CDH13: variants seen among roughly 807,000 people sequenced by gnomAD.
The protein encoded by CDH13 is cadherin-13.
CDH13 carries 24 observed loss-of-function variants against 63.8 expected under a neutral mutation model. The observed-to-expected ratio is 0.38, with a 90% CI of 0.27 to 0.53. The LOEUF (loss-of-function observed/expected upper bound fraction) is 0.53, where lower values mean the gene tolerates loss of function less well. CDH13 is among the 20% of genes least tolerant of loss of function. CDH13 has a pLI of 0.85. For synonymous variants in CDH13, 503 were observed against 355.3 expected (o/e 1.42, Z -4.67); for missense variants, 1,049 against 903.1 (o/e 1.16, Z -2.07).
chr16:83,734,089 A>G (rs1911301263), intron 10 of CDH13, among the ~76,000 whole-genome samples: 1 of 152,218 alleles, frequency 6.6e-6, no homozygotes, highest in Non-Finnish European at 1.5e-5. Flanking sequence ...ACTCCAAATC[A>G]TGAACCAAAA....
intron 6 of CDH13, among the ~76,000 whole-genome samples, chr16:83,478,903 C>A (rs1021737514): frequency 6.6e-6 from 1 of 151,948 alleles, no homozygotes; most frequent in Non-Finnish European, 1.5e-5. Context: ...ATTGGACATC[C>A]CCTCAAATGA....
intron 1 of CDH13, among the ~76,000 whole-genome samples, chr16:82,735,201 G>C (rs146330624): frequency 8.1e-4 from 124 of 152,292 alleles, no homozygotes; most frequent in Admixed American, 2.6e-3. Flanking sequence ...CCCACCCATT[G>C]ATTATCATCC....
At chr16:83,163,245 G>A (rs12102363) in intron 4 of CDH13, among the ~76,000 whole-genome samples, 21,704 of 151,886 alleles carry the variant, frequency 0.14, 1,739 homozygotes, top group Middle Eastern at 0.22. Flanking sequence ...GCCCAATCTC[G>A]AGTATGTCTT....
intron 6 of CDH13, among the ~76,000 whole-genome samples, chr16:83,460,588 A>G (rs1360643856): frequency 6.6e-6 from 1 of 152,226 alleles, no homozygotes; most frequent in Non-Finnish European, 1.5e-5. Context: ...CTGCAGAAAA[A>G]TACAAACAGA....
At chr16:83,217,293 T>A in intron 4 of CDH13, 52 bp from the exon 5 acceptor site, 1 of 1,594,016 alleles carries the variant, frequency 6.3e-7, no homozygotes, top group East Asian at 2.2e-5. Flanking sequence ...TGCAATGTGC[T>A]TTCTCTGTGT....
chr16:83,304,171 T>C (rs2089820086), intron 5 of CDH13, among the ~76,000 whole-genome samples: 1 of 152,182 alleles, frequency 6.6e-6, no homozygotes. Flanking sequence ...GGCTGGATTA[T>C]GAAGACTCTT....
intron 8 of CDH13, among the ~76,000 whole-genome samples, chr16:83,625,676 G>A (rs1208291316): frequency 2.0e-5 from 3 of 152,186 alleles, no homozygotes; most frequent in Admixed American, 6.5e-5. Flanking sequence ...GTAATTAGCT[G>A]GAGCACATCT....
chr16:83,571,786 G>A (rs995049229), intron 7 of CDH13, among the ~76,000 whole-genome samples: 5 of 152,116 alleles, frequency 3.3e-5, no homozygotes, highest in African/African-American at 1.2e-4. Flanking sequence ...CATATCCTGT[G>A]GTTTGTCTCA....
chr16:83,198,250 A>G (rs2038931467), intron 4 of CDH13, among the ~76,000 whole-genome samples: 1 of 151,952 alleles, frequency 6.6e-6, no homozygotes, highest in African/African-American at 2.4e-5. Flanking sequence ...TCTTTTTAGT[A>G]TATTCTGAAA....
At chr16:83,523,502 C>T (rs946084045) in intron 7 of CDH13, among the ~76,000 whole-genome samples, 12 of 152,194 alleles carry the variant, frequency 7.9e-5, no homozygotes, top group African/African-American at 2.9e-4. Flanking sequence ...CTGGAATCCA[C>T]TGGAGCAGCC....
chr16:83,217,642 A>G (rs2039578068), intron 5 of CDH13, 145 bp downstream of exon 5: 1 of 794,160 alleles, frequency 1.3e-6, no homozygotes, highest in Non-Finnish European at 2.0e-6. Context: ...GCTGAAGTGG[A>G]TGGAATTGAA....
chr16:82,918,237 G>C (rs1268750740), intron 2 of CDH13, among the ~76,000 whole-genome samples: 1 of 152,162 alleles, frequency 6.6e-6, no homozygotes. Context: ...ATCCAAGATA[G>C]TTGAGAAGAT....
chr16:82,972,335 T>C lies in CDH13; in HGVS notation c.158-59675T>C, dbSNP rs111625775. 3.9e-3 allele frequency among the ~76,000 whole-genome samples: 596 copies of C among 152,334 alleles called. 7 individuals carry two copies. The highest frequency in any genetic ancestry group is 0.014 in the African/African-American group (571 of 41,576). On this transcript the variant is annotated intron_variant, in intron 2 of 13. Coordinates refer to ENST00000567109, the MANE Select transcript of CDH13 (RefSeq NM_001257.5). ...TGTTTGGGTGAGAAGCAGGGAATGA[T>C]TGAAAGGTAAGACAAGAGAAAACAT...
At chr16:82,832,004 A>C (rs982029623) in intron 1 of CDH13, among the ~76,000 whole-genome samples, 1 of 152,244 alleles carries the variant, frequency 6.6e-6, no homozygotes, top group African/African-American at 2.4e-5. Context: ...TTGGAAGCCA[A>C]AGCAAAGTCC....
chr16:83,566,277 C>G (rs1171722887), intron 7 of CDH13, among the ~76,000 whole-genome samples: 1 of 152,172 alleles, frequency 6.6e-6, no homozygotes, highest in Non-Finnish European at 1.5e-5. Context: ...GAAGGAAGGA[C>G]TGTTCTTCCC....
chr16:83,761,997 G>A (rs2150987628), intron 11 of CDH13, among the ~76,000 whole-genome samples: 2 of 152,246 alleles, frequency 1.3e-5, no homozygotes, highest in South Asian at 4.1e-4. Flanking sequence ...ACCCTGGGAG[G>A]CAGAGGTTGC....
At chr16:82,956,859 T>C (rs1215368932) in intron 2 of CDH13, among the ~76,000 whole-genome samples, 1 of 152,230 alleles carries the variant, frequency 6.6e-6, no homozygotes, top group Non-Finnish European at 1.5e-5. Context: ...AAGATTCAAA[T>C]GTCAGTGGCT....
chr16:82,891,166 C>T (rs1406368878), intron 2 of CDH13, among the ~76,000 whole-genome samples: 2 of 151,926 alleles, frequency 1.3e-5, no homozygotes, highest in Admixed American at 6.6e-5. Flanking sequence ...TGTTACTGAG[C>T]CTGATCTCTG....
chr16:83,102,965 T>TTTTTTTTTTTTTTTTTTTTTTTTC (rs2034570357), intron 3 of CDH13, among the ~76,000 whole-genome samples: 3 of 107,836 alleles, frequency 2.8e-5, no homozygotes, highest in African/African-American at 7.0e-5. Flanking sequence ...TTTTTTTTTT[T>TTTTTTTTTTTTTTTTTTTTTTTTC]TTTTTGAGGT....
Sources: allele counts gnomAD v4.1 joint callset (sites outside exome capture counted in the v4.1 genomes callset), GRCh38; gene constraint gnomAD v4.1.1; transcripts MANE v1.5; gene names NCBI Gene and HGNC (gene_info 2026-07-23, HGNC 2026-07-21).